PTBP3: variants seen among roughly 807,000 people sequenced by gnomAD.
PTBP3 encodes polypyrimidine tract-binding protein 3.
Under a neutral mutation model 58.7 loss-of-function variants are expected in PTBP3, and 20 were observed. The ratio of observed to expected loss-of-function variants is 0.34; its 90% confidence interval spans 0.24 to 0.50. The LOEUF is 0.50. PTBP3 is among the 20% of genes least tolerant of loss of function. PTBP3 has a pLI of 0.98. For missense variants in PTBP3, 509 were observed against 637.2 expected (o/e 0.80, Z 2.17); for synonymous variants, 185 against 219.8 (o/e 0.84, Z 1.40).
intron 1 of PTBP3, among the ~76,000 whole-genome samples, chr9:112,316,502 G>T (rs1371982076): frequency 1.3e-5 from 2 of 152,198 alleles, no homozygotes; most frequent in African/African-American, 4.8e-5. Flanking sequence ...TTCCCTGGAA[G>T]ATGACTGCAG....
the PTBP3 span, among the ~76,000 whole-genome samples, chr9:112,339,389 C>T: frequency 4.0e-5 from 6 of 151,158 alleles, no homozygotes; most frequent in Non-Finnish European, 8.8e-5. Flanking sequence ...CATCATTGCC[C>T]TTTAAAATTG....
rs1387889448 is a variant in PTBP3, at chr9:112,265,747, G to C, written c.351+2302C>G. ...TGTGTACATATGATCAGCAGGCATAGAGTGTGTGTAGAAAACTAATATATG... is the reference window on the plus strand; with the variant it reads ...TGTGTACATATGATCAGCAGGCATACAGTGTGTGTAGAAAACTAATATATG... On this transcript the variant is annotated intron_variant, in intron 4 of 13. Coordinates refer to ENST00000374257, the MANE Select transcript of PTBP3 (RefSeq NM_001163788.4). Among the ~76,000 whole-genome samples, 3 of 152,198 alleles carry C rather than the reference G, an allele frequency of 2.0e-5. No homozygotes were observed. In the South Asian group the frequency reaches 6.2e-4, roughly 31 times the overall value.
At chr9:112,224,273 C>G (rs1834901795) in intron 12 of PTBP3, 63 bp from the exon 13 acceptor site, 5 of 996,052 alleles carry the variant, frequency 5.0e-6, no homozygotes, top group Non-Finnish European at 5.9e-6. Flanking sequence ...CAGATTAACT[C>G]TTGCAATCAT....
At chr9:112,335,599 C>CT (rs113253430), upstream of PTBP3, among the ~76,000 whole-genome samples, 25 of 102,708 alleles carry the variant, frequency 2.4e-4, no homozygotes, top group Middle Eastern at 5.4e-3. Context: ...TACCATTTTT[C>CT]TTTTTTTTTT....
At chr9:112,333,739 G>C, upstream of PTBP3, 2 of 329,060 alleles carry the variant, frequency 6.1e-6, no homozygotes, top group Non-Finnish European at 1.1e-5. Context: ...CCCTCCCTCG[G>C]GGCCCGCCCC....
At chr9:112,245,253 C>T (rs1182845797) in intron 7 of PTBP3, among the ~76,000 whole-genome samples, 1 of 152,154 alleles carries the variant, frequency 6.6e-6, no homozygotes, top group Non-Finnish European at 1.5e-5. Flanking sequence ...AAGGCTGCAG[C>T]GAGCCCAGAT....
chr9:112,297,837 A>ACT lies in PTBP3; in HGVS notation c.28_29insAG (p.Val10GlufsTer42). 1 of 1,573,848 alleles carries ACT rather than the reference A, an allele frequency of 6.4e-7. No individual in the cohort carries two copies. The highest frequency in any genetic ancestry group is 8.6e-7 in the Non-Finnish European group (1 of 1,165,124). ...AAAAAAAAAAAAAAACTCACCATAC[A>ACT]CACCTGTAGAAGGAGTAGAACTATT... On this transcript the variant is annotated frameshift_variant, in exon 2 of 14. Transcript: ENST00000374257. LOFTEE classifies it high-confidence loss of function.
intron 1 of PTBP3, among the ~76,000 whole-genome samples, chr9:112,318,594 G>A (rs1447401910): frequency 6.6e-6 from 1 of 151,204 alleles, no homozygotes; most frequent in Non-Finnish European, 1.5e-5. Flanking sequence ...ACCCCATCGT[G>A]ACTAAAAATA....
At chr9:112,332,787 G>A in intron 1 of PTBP3, 1 of 1,612,288 alleles carries the variant, frequency 6.2e-7, no homozygotes, top group African/African-American at 1.3e-5. Flanking sequence ...TACATACACG[G>A]GCAGATAATT....
intron 1 of PTBP3, among the ~76,000 whole-genome samples, chr9:112,327,287 C>T (rs944219334): frequency 2.0e-5 from 3 of 151,872 alleles, no homozygotes; most frequent in Middle Eastern, 3.2e-3. Context: ...TGAAGAAGGC[C>T]GGGCACAGTG....
chr9:112,333,405 C>T (rs1033333276), intron 1 of PTBP3, 65 bp downstream of exon 1: 27 of 1,542,708 alleles, frequency 1.8e-5, no homozygotes, highest in Non-Finnish European at 2.4e-5. Flanking sequence ...ACGCGTCCCG[C>T]GGAGAGCCGG....
intron 2 of PTBP3, among the ~76,000 whole-genome samples, chr9:112,290,707 T>G (rs7849317): frequency 1.8e-5 from 2 of 110,958 alleles, no homozygotes; most frequent in Admixed American, 1.0e-4. Flanking sequence ...TATATATATA[T>G]ACACACACAC....
the PTBP3 span, among the ~76,000 whole-genome samples, chr9:112,378,970 T>C: frequency 1.3e-5 from 2 of 152,190 alleles, no homozygotes; most frequent in Non-Finnish European, 2.9e-5. Context: ...GCCAATCATT[T>C]GAGGTCAGGA....
chr9:112,328,308 AAAG>A (rs1830236504), intron 1 of PTBP3, among the ~76,000 whole-genome samples: 1 of 152,236 alleles, frequency 6.6e-6, no homozygotes, highest in African/African-American at 2.4e-5. Context: ...TGGAATCCAA[AAAG>A]AACAATCTTA....
At chr9:112,338,697 T>C in the PTBP3 span, among the ~76,000 whole-genome samples, 2 of 152,246 alleles carry the variant, frequency 1.3e-5, no homozygotes, top group African/African-American at 2.4e-5. Context: ...TGTTGAATTA[T>C]GAGCCTTTCT....
chr9:112,320,011 A>G (rs147845480), intron 1 of PTBP3, among the ~76,000 whole-genome samples: 111 of 152,230 alleles, frequency 7.3e-4, no homozygotes, highest in African/African-American at 2.5e-3. Flanking sequence ...TGTGGTTACC[A>G]GGGGCTGGGG....
At chr9:112,258,834 T>C (rs1305783126) in intron 5 of PTBP3, among the ~76,000 whole-genome samples, 2 of 152,174 alleles carry the variant, frequency 1.3e-5, no homozygotes, top group Admixed American at 1.3e-4. Flanking sequence ...AGCAAGACCC[T>C]ATCTCTAATT....
upstream of PTBP3, among the ~76,000 whole-genome samples, chr9:112,333,890 G>A (rs1236919438): frequency 6.7e-6 from 1 of 148,508 alleles, no homozygotes; most frequent in Admixed American, 6.7e-5. Context: ...TCCCTCCTGC[G>A]TTCGCGGGAG....
chr9:112,268,065 T>C lies in PTBP3; in HGVS notation c.335A>G (p.Asn112Ser), dbSNP rs746152938. ...YSNHRELKTD[N>S]LPNQARAQAA... ...AATACTTACAGCTTGATTAGGTAGA[T>C]TGTCAGTCTTAAGTTCTCTGTGATT... The change falls in exon 4 of 14, where the codon AAT becomes AGT. Residue 112 changes from asparagine to serine, a missense_variant. This residue lies in a region of PTBP3 where 212 missense variants were observed against 215.3 expected (regional missense o/e 0.98). Coordinates refer to ENST00000374257, the MANE Select transcript of PTBP3 (RefSeq NM_001163788.4). The C allele has an allele frequency of 6.7e-5, 108 of 1,611,372 alleles. No homozygotes were observed. Among genetic ancestry groups the C allele is most frequent in the Non-Finnish European group, 8.6e-5 (101 of 1,179,124 alleles).
Sources: gnomAD v4.1 joint callset for allele counts (sites outside exome capture counted in the v4.1 genomes callset) on GRCh38, gnomAD v4.1.1 for gene constraint, gnomAD v4.1.1 regional missense constraint, MANE v1.5 for transcripts, NCBI Gene and HGNC (gene_info 2026-07-23, HGNC 2026-07-21) for gene names.